GPAM: variants seen among roughly 807,000 people sequenced by gnomAD.
GPAM encodes the protein glycerol-3-phosphate acyltransferase 1, mitochondrial.
A neutral mutation model predicts 105.0 loss-of-function variants in GPAM; 56 were observed. The observed-to-expected ratio is 0.53, with a 90% confidence interval of 0.43 to 0.67. The LOEUF (loss-of-function observed/expected upper bound fraction) is 0.67, where lower values mean the gene tolerates loss of function less well. GPAM is among the 30% of genes least tolerant of loss of function. The pLI, the probability that GPAM is intolerant of heterozygous loss-of-function variation, is 0.00. For missense variants in GPAM, 855 were observed against 989.8 expected (o/e 0.86, Z 1.83); for synonymous variants, 368 against 354.4 (o/e 1.04, Z -0.43).
chr10:112,160,599 C>G lies in GPAM; in HGVS notation c.1759+5G>C. The stretch of plus-strand genomic sequence containing the variant: ...TTACTGAAAATATTTCAAGGTCTGA[C>G]ATACCTATGATGGCCTCCATGATAA... On this transcript the variant is annotated splice_donor_5th_base_variant and intron_variant, in intron 16 of 21. Coordinates refer to ENST00000348367, the MANE Select transcript of GPAM (RefSeq NM_001244949.2). The G allele has an allele frequency of 6.2e-7, 1 of 1,611,042 alleles. No individual in the cohort carries two copies. The highest frequency in any genetic ancestry group is 8.5e-7 in the Non-Finnish European group (1 of 1,177,240).
chr10:112,171,786 C>T (rs1436564736), intron 9 of GPAM, among the ~76,000 whole-genome samples: 1 of 152,176 alleles, frequency 6.6e-6, no homozygotes, highest in Non-Finnish European at 1.5e-5. Context: ...ATTATGAGGT[C>T]AAAGTAACAG....
At chr10:112,173,263 ATAC>A in intron 7 of GPAM, among the ~76,000 whole-genome samples, 197 bp from the exon 8 acceptor site, 1 of 152,168 alleles carries the variant, frequency 6.6e-6, no homozygotes, top group South Asian at 2.1e-4. Flanking sequence ...ATATATATAT[ATAC>A]TACTTACAGA....
intron 3 of GPAM, among the ~76,000 whole-genome samples, chr10:112,181,085 C>T (rs1410216360): frequency 6.6e-6 from 1 of 151,502 alleles, no homozygotes; most frequent in Non-Finnish European, 1.5e-5. Context: ...CTATACTATT[C>T]AATTAGGGTC....
At chr10:112,206,897 C>T (rs1353843677) in intron 1 of GPAM, among the ~76,000 whole-genome samples, 1 of 151,560 alleles carries the variant, frequency 6.6e-6, no homozygotes, top group African/African-American at 2.4e-5. Context: ...CATGCCTGTG[C>T]AAATAATTCA....
chr10:112,166,623 TGAA>T (rs1389079599), intron 11 of GPAM, 108 bp from the exon 12 acceptor site: 52 of 760,144 alleles, frequency 6.8e-5, no homozygotes, highest in East Asian at 5.1e-5. Flanking sequence ...AAGTTCATCT[TGAA>T]GAAGAACAAT....
intron 17 of GPAM, among the ~76,000 whole-genome samples, chr10:112,159,263 C>A (rs1452239124): frequency 7.8e-6 from 1 of 128,402 alleles, no homozygotes; most frequent in African/African-American, 2.9e-5. Context: ...CTCTGTCACT[C>A]AGGCTGGAGA....
chr10:112,172,036 C>G (rs952739376), intron 9 of GPAM, 146 bp downstream of exon 9: 17 of 643,008 alleles, frequency 2.6e-5, no homozygotes, highest in African/African-American at 2.6e-4. Context: ...CCAAATTTTA[C>G]ACAATAACTA....
chr10:112,223,820 A>G, the GPAM span, among the ~76,000 whole-genome samples: 1 of 152,304 alleles, frequency 6.6e-6, no homozygotes, highest in African/African-American at 2.4e-5. Context: ...ACTACAGCAA[A>G]ATTCTATTCA....
At chr10:112,158,236 T>C (rs1361006197) in intron 18 of GPAM, 80 bp downstream of exon 18, 3 of 952,262 alleles carry the variant, frequency 3.2e-6, no homozygotes, top group African/African-American at 1.6e-5. Context: ...TGGCCAATTA[T>C]TGGTTTAAAT....
chr10:112,172,351 C>T, intron 8 of GPAM, 33 bp from the exon 9 acceptor site: 1 of 1,598,330 alleles, frequency 6.3e-7, no homozygotes, highest in Non-Finnish European at 8.6e-7. Flanking sequence ...ATTTAAAACT[C>T]AAATGTAAAA....
the GPAM span, among the ~76,000 whole-genome samples, chr10:112,225,922 G>C: frequency 1.3e-5 from 2 of 152,096 alleles, no homozygotes. Flanking sequence ...ATAAACAAAG[G>C]AATCACAAGT....
In GPAM at chr10:112,150,136, G is replaced by T; in HGVS notation, c.*3414C>A. The T allele has an allele frequency of 1.0e-6, 1 of 981,956 alleles. No individual in the cohort carries two copies. The highest frequency in any genetic ancestry group is 1.2e-6 in the Non-Finnish European group (1 of 826,756). 60.8% of individuals were successfully genotyped at this position (981,956 alleles called of 1,614,324 possible). A position where few individuals can be genotyped will look rare whatever the true frequency, so the allele number is the denominator to read the frequency against. On this transcript the variant is annotated 3_prime_UTR_variant, in exon 22 of 22. Coordinates refer to ENST00000348367, the MANE Select transcript of GPAM (RefSeq NM_001244949.2). The stretch of plus-strand genomic sequence containing the variant: ...CTCTTTCAAATGCAATCATTAGTTT[G>T]TATTAAACTAAAATGCCAGACGGCA...
At chr10:112,180,778 G>A (rs1374243775) in intron 3 of GPAM, among the ~76,000 whole-genome samples, 183 bp from the exon 4 acceptor site, 3 of 152,104 alleles carry the variant, frequency 2.0e-5, no homozygotes, top group Non-Finnish European at 4.4e-5. Flanking sequence ...AGCAAAAGCT[G>A]AGCACCCAAG....
At chr10:112,153,869 A>ATT in intron 21 of GPAM, 18 of 463,006 alleles carry the variant, frequency 3.9e-5, no homozygotes, top group East Asian at 8.1e-5. Context: ...TTCTTTTTCT[A>ATT]TTTTTTTTTT....
At position 112,150,516 on chromosome 10, in the gene GPAM, T is replaced by C; in HGVS notation, c.*3034A>G. On this transcript the variant is annotated 3_prime_UTR_variant, in exon 22 of 22. Coordinates refer to ENST00000348367, the MANE Select transcript of GPAM (RefSeq NM_001244949.2). ...GACGTTACAAAATGCATGCATATTC[T>C]GCCCCAGTGCTATCTGTTCATTACC... 1.0e-6 allele frequency: 1 copy of C among 985,726 alleles called. No individual in the cohort carries two copies. The highest frequency in any genetic ancestry group is 1.2e-6 in the Non-Finnish European group (1 of 829,788). The allele number at this position is 985,726 out of a possible 1,614,324, so 61.1% of individuals were successfully genotyped here.
At chr10:112,156,914 G>T (rs899755469) in intron 19 of GPAM, 1 of 468,374 alleles carries the variant, frequency 2.1e-6, no homozygotes, top group African/African-American at 1.9e-5. Flanking sequence ...AAAAAGAGCA[G>T]CCAGGTCAGT....
the GPAM span, among the ~76,000 whole-genome samples, chr10:112,220,853 T>TACACACAC: frequency 6.7e-3 from 979 of 146,012 alleles, 10 homozygotes; most frequent in African/African-American, 0.019. Flanking sequence ...AGATCTCAAA[T>TACACACAC]ACACACACAC....
intron 9 of GPAM, among the ~76,000 whole-genome samples, chr10:112,170,643 A>C (rs1847296722): frequency 6.7e-6 from 1 of 150,086 alleles, no homozygotes; most frequent in East Asian, 2.0e-4. Context: ...TGACTTTCTA[A>C]TTCAGTTTCC....
intron 1 of GPAM, among the ~76,000 whole-genome samples, chr10:112,209,904 GCCAGCCCCACAGGGCATGGGT>G (rs1564691904): frequency 6.6e-6 from 1 of 152,162 alleles, no homozygotes; most frequent in Non-Finnish European, 1.5e-5. Flanking sequence ...TACACTTCCC[GCCAGCCCCACAGGGCATGGGT>G]AGAGTTTGCA....
Sources: gnomAD v4.1 joint callset for allele counts (sites outside exome capture counted in the v4.1 genomes callset) on GRCh38, gnomAD v4.1.1 for gene constraint, MANE v1.5 for transcripts, NCBI Gene and HGNC (gene_info 2026-07-23, HGNC 2026-07-21) for gene names.